The following EHBP1 variants were observed in gnomAD, a reference collection of about 807,000 sequenced individuals.
EHBP1 encodes the protein EH domain-binding protein 1.
Under a neutral mutation model 144.0 loss-of-function variants are expected in EHBP1, and 55 were observed. The observed-to-expected ratio is 0.38, with a 90% CI of 0.31 to 0.48. EHBP1 has a LOEUF of 0.48. Ranked by LOEUF, EHBP1 falls within the 20% of genes least tolerant of loss-of-function variation. EHBP1 has a pLI of 0.98. For missense variants in EHBP1, 1,200 were observed against 1,364.2 expected (o/e 0.88, Z 1.90); for synonymous variants, 469 against 472.7 (o/e 0.99, Z 0.10).
chr2:62,944,557 A>G (rs2056955580), intron 12 of EHBP1, among the ~76,000 whole-genome samples: 1 of 152,230 alleles, frequency 6.6e-6, no homozygotes, highest in Non-Finnish European at 1.5e-5. Context: ...TTGCACAACA[A>G]CAAAATCTCC....
chr2:62,955,050 A>G (rs2057612493), intron 13 of EHBP1, among the ~76,000 whole-genome samples: 1 of 152,030 alleles, frequency 6.6e-6, no homozygotes, highest in South Asian at 2.1e-4. Flanking sequence ...ATAGCTTTGA[A>G]TTTTCTATAA....
In EHBP1 at chr2:62,867,404, A is replaced by G. The variant is rs188123203; in HGVS notation, c.998+2433A>G. Among the ~76,000 whole-genome samples, 3 of 152,300 alleles carry G rather than the reference A, an allele frequency of 2.0e-5. No individual in the cohort carries two copies. The East Asian group carries it at 5.8e-4, about 29-fold the overall frequency. ...AGCAAGGTTACAGGCTACAATATTA[A>G]TATATAAATTCAATTGTGTTTCTCT... On this transcript the variant is annotated intron_variant, in intron 9 of 22. Coordinates refer to ENST00000431489, the MANE Select transcript of EHBP1 (RefSeq NM_001142616.3).
chr2:62,761,910 C>G lies in EHBP1; in HGVS notation c.163-2356C>G, dbSNP rs113449289. Among the ~76,000 whole-genome samples, 876 of 152,280 alleles carry G rather than the reference C, an allele frequency of 5.8e-3. 10 individuals carry two copies. The highest frequency in any genetic ancestry group is 7.5e-3 in the Non-Finnish European group (512 of 68,022). On this transcript the variant is annotated intron_variant, in intron 3 of 22. Coordinates refer to ENST00000431489, the MANE Select transcript of EHBP1 (RefSeq NM_001142616.3). ...ACCCCAGAGGAGTTGAGTATATTTG[C>G]TCTCTTCAATTTGTTTCTTCCCATT...
intron 10 of EHBP1, among the ~76,000 whole-genome samples, chr2:62,940,974 A>G (rs544888116): frequency 3.0e-4 from 46 of 152,300 alleles, no homozygotes; most frequent in Admixed American, 1.2e-3. Flanking sequence ...TACATTACCT[A>G]TGGACATGCT....
intron 15 of EHBP1, among the ~76,000 whole-genome samples, chr2:62,982,590 G>A (rs1373884167): frequency 6.6e-6 from 1 of 152,146 alleles, no homozygotes. Context: ...AAAAAGTTTT[G>A]CTAAGGAGTA....
chr2:62,721,654 G>A (rs1229882460), intron 2 of EHBP1, among the ~76,000 whole-genome samples: 2 of 152,112 alleles, frequency 1.3e-5, no homozygotes, highest in South Asian at 2.1e-4. Context: ...TGCTTGTAGC[G>A]ATCACTACTG....
At chr2:62,798,128 A>G (rs957969810) in intron 5 of EHBP1, among the ~76,000 whole-genome samples, 4 of 152,196 alleles carry the variant, frequency 2.6e-5, no homozygotes, top group Non-Finnish European at 5.9e-5. Flanking sequence ...GCACGTTGGG[A>G]GGCCGAGGGA....
chr2:62,774,601 T>C (rs1043182978), intron 5 of EHBP1, among the ~76,000 whole-genome samples: 6 of 152,134 alleles, frequency 3.9e-5, no homozygotes, highest in Non-Finnish European at 7.4e-5. Context: ...CTAGATACTG[T>C]TCTAGGCATT....
chr2:62,930,450 C>A (rs1266398257), intron 10 of EHBP1, among the ~76,000 whole-genome samples: 1 of 152,080 alleles, frequency 6.6e-6, no homozygotes, highest in African/African-American at 2.4e-5. Flanking sequence ...ATATCAATAC[C>A]ACCCAAAGAT....
intron 10 of EHBP1, among the ~76,000 whole-genome samples, chr2:62,883,325 A>G (rs1013216977): frequency 6.6e-6 from 1 of 152,230 alleles, no homozygotes; most frequent in Non-Finnish European, 1.5e-5. Flanking sequence ...GTGAATAGCT[A>G]TTTTTACATT....
intron 19 of EHBP1, among the ~76,000 whole-genome samples, chr2:63,034,740 A>G (rs567116816): frequency 1.3e-5 from 2 of 152,108 alleles, no homozygotes; most frequent in South Asian, 2.1e-4. Context: ...TATATGCTTC[A>G]TGCATATTCA....
At chr2:62,790,797 G>GT (rs2043121209) in intron 5 of EHBP1, among the ~76,000 whole-genome samples, 2 of 151,996 alleles carry the variant, frequency 1.3e-5, no homozygotes, top group African/African-American at 4.8e-5. Context: ...AGATGTTAGT[G>GT]TTTATACCAT....
At chr2:62,947,411 C>T (rs898257372) in intron 12 of EHBP1, among the ~76,000 whole-genome samples, 1 of 152,102 alleles carries the variant, frequency 6.6e-6, no homozygotes. Flanking sequence ...GAATTATAAT[C>T]CTTAATCTAG....
intron 1 of EHBP1, among the ~76,000 whole-genome samples, chr2:62,677,815 T>C (rs750477066): frequency 3.9e-5 from 6 of 152,192 alleles, no homozygotes; most frequent in Non-Finnish European, 8.8e-5. Context: ...AATAACAGGA[T>C]CTCATTCTTT....
intron 19 of EHBP1, among the ~76,000 whole-genome samples, chr2:63,010,083 C>T (rs2060206645): frequency 6.6e-6 from 1 of 151,294 alleles, no homozygotes; most frequent in Non-Finnish European, 1.5e-5. Flanking sequence ...CCACTTGGAG[C>T]AAGGAAGGCT....
chr2:62,806,100 C>T (rs966480524), intron 5 of EHBP1, among the ~76,000 whole-genome samples: 2 of 152,128 alleles, frequency 1.3e-5, no homozygotes, highest in East Asian at 1.9e-4. Context: ...CTGCCTCAGC[C>T]TCCCCAGGAG....
chr2:62,895,853 CAGAAGTTTCT>C (rs1385107267), intron 10 of EHBP1, among the ~76,000 whole-genome samples: 10 of 152,168 alleles, frequency 6.6e-5, no homozygotes, highest in Non-Finnish European at 1.2e-4. Flanking sequence ...AAGGATGATT[CAGAAGTTTCT>C]AGCTTTGGGG....
At chr2:62,748,460 C>T (rs750969628) in intron 3 of EHBP1, among the ~76,000 whole-genome samples, 4 of 151,928 alleles carry the variant, frequency 2.6e-5, no homozygotes, top group South Asian at 2.1e-4. Flanking sequence ...TTAAGACCAG[C>T]CTGGGAAACA....
chr2:62,990,625 A>T, intron 15 of EHBP1, 91 bp from the exon 16 acceptor site: 1 of 1,324,576 alleles, frequency 7.5e-7, no homozygotes, highest in Non-Finnish European at 1.1e-6. Flanking sequence ...TTTAAAATAT[A>T]GTAATACTTT....
Sources: allele counts gnomAD v4.1 joint callset (sites outside exome capture counted in the v4.1 genomes callset), GRCh38; gene constraint gnomAD v4.1.1; transcripts MANE v1.5; gene names NCBI Gene and HGNC (gene_info 2026-07-23, HGNC 2026-07-21).